Variants in PLCE1 observed in about 807,000 individuals in gnomAD.
PLCE1 encodes 1-phosphatidylinositol 4,5-bisphosphate phosphodiesterase epsilon-1.
Under a neutral mutation model 242.8 loss-of-function variants are expected in PLCE1, and 119 were observed. The ratio of observed to expected loss-of-function variants is 0.49; its 90% confidence interval spans 0.42 to 0.57. PLCE1 has a LOEUF of 0.57. PLCE1 is among the 20% of genes least tolerant of loss of function. The pLI, the probability that PLCE1 is intolerant of heterozygous loss-of-function variation, is 0.00. For synonymous variants in PLCE1, 945 were observed against 1,017.4 expected (o/e 0.93, Z 1.35); for missense variants, 2,441 against 2,788.8 (o/e 0.88, Z 2.81).
At chr10:94,244,241 C>T (rs1039882209) in intron 7 of PLCE1, among the ~76,000 whole-genome samples, 8 of 152,160 alleles carry the variant, frequency 5.3e-5, no homozygotes, top group East Asian at 1.9e-4. Context: ...ATGATACTGT[C>T]GTTGCCTCAT....
At chr10:94,280,711 A>G (rs1411941124) in intron 20 of PLCE1, 1 of 152,190 alleles carries the variant, frequency 6.6e-6, no homozygotes, top group Non-Finnish European at 1.5e-5. Flanking sequence ...TATTCTTTCT[A>G]TGTAGAATAA....
At chr10:94,165,397 G>A (rs1590165240) in intron 3 of PLCE1, among the ~76,000 whole-genome samples, 1 of 152,218 alleles carries the variant, frequency 6.6e-6, no homozygotes, top group South Asian at 2.1e-4. Context: ...CTAGCAATGA[G>A]CGAGGCTCTG....
At chr10:94,117,614 A>G (rs1259870208) in intron 2 of PLCE1, among the ~76,000 whole-genome samples, 1 of 152,230 alleles carries the variant, frequency 6.6e-6, no homozygotes, top group Non-Finnish European at 1.5e-5. Flanking sequence ...ACAATATACC[A>G]TGAATCACTA....
intron 4 of PLCE1, among the ~76,000 whole-genome samples, chr10:94,216,898 A>G (rs1425076081): frequency 2.0e-5 from 3 of 151,920 alleles, no homozygotes; most frequent in Non-Finnish European, 2.9e-5. Context: ...CCAGTAGATC[A>G]GGGTGGCTGT....
chr10:94,230,326 A>G (rs1204865387), intron 5 of PLCE1, among the ~76,000 whole-genome samples: 2 of 152,190 alleles, frequency 1.3e-5, no homozygotes, highest in Non-Finnish European at 2.9e-5. Flanking sequence ...TGTTTATAAA[A>G]AACAAAATTT....
intron 29 of PLCE1, among the ~76,000 whole-genome samples, chr10:94,319,750 T>C (rs2053711171): frequency 6.6e-6 from 1 of 151,924 alleles, no homozygotes; most frequent in Non-Finnish European, 1.5e-5. Flanking sequence ...CAACAATGCT[T>C]AGTAAAAAGG....
At chr10:94,249,185 C>A (rs1446931091) in intron 8 of PLCE1, among the ~76,000 whole-genome samples, 1 of 152,156 alleles carries the variant, frequency 6.6e-6, no homozygotes, top group Non-Finnish European at 1.5e-5. Flanking sequence ...TGAAGTCAGG[C>A]AACGTGCCTT....
intron 19 of PLCE1, among the ~76,000 whole-genome samples, chr10:94,276,967 A>G (rs1430564988): frequency 6.6e-6 from 1 of 152,162 alleles, no homozygotes; most frequent in African/African-American, 2.4e-5. Context: ...CTGGTAGATC[A>G]TGGGTCTAGA....
rs1161206656 is a variant in PLCE1 at position 94,098,335 on chromosome 10, A to G, written c.1207-33839A>G. On this transcript the variant is annotated intron_variant, in intron 2 of 32. Transcript: ENST00000371380. ...TTCAACATTTATAAACATTGCCAAT[A>G]TTGTTTTATCAATCTCCCCTCAGGA... 3.3e-5 allele frequency among the ~76,000 whole-genome samples: 5 copies of G among 152,166 alleles called. No individual in the cohort carries two copies. The East Asian group carries it at 9.6e-4, about 29-fold the overall frequency.
At chr10:94,114,459 G>A (rs866714087) in intron 2 of PLCE1, among the ~76,000 whole-genome samples, 6 of 152,176 alleles carry the variant, frequency 3.9e-5, no homozygotes, top group Non-Finnish European at 5.9e-5. Context: ...TCATCCACAC[G>A]AATACATTCC....
chr10:94,252,376 C>T lies in PLCE1; in HGVS notation c.3157C>T (p.Arg1053Trp), dbSNP rs779549576. The T allele has an allele frequency of 8.7e-6, 14 of 1,613,888 alleles. No individual in the cohort carries two copies. The highest frequency in any genetic ancestry group is 2.2e-5 in the East Asian group (1 of 44,886). The change falls in exon 9 of 33, where the codon CGG (arginine) becomes TGG (tryptophan). Residue 1053 changes from arginine (R) to tryptophan (W), a missense_variant. Arg to Trp is a moderately radical substitution (Grantham distance 101). Around this residue, in one of 5 missense-constraint regions of PLCE1, gnomAD observed 1,004 missense variants for 1,322.7 expected, o/e 0.76. Transcript: ENST00000371380. ...AHAVELFGGR[R>W]WSARNPSPGT... The stretch of plus-strand genomic sequence containing the variant: ...CGCTGTGGAGTTGTTTGGTGGCAGA[C>T]GGTGGAGTGCTCGAAACCCCAGCCC...
intron 2 of PLCE1, among the ~76,000 whole-genome samples, chr10:94,116,617 C>A (rs2046138532): frequency 6.6e-6 from 1 of 152,162 alleles, no homozygotes; most frequent in Non-Finnish European, 1.5e-5. Context: ...ATTGCTTGAA[C>A]CTGGGAGGCA....
At chr10:94,252,691 G>A (rs1245159616) in intron 9 of PLCE1, among the ~76,000 whole-genome samples, 193 bp downstream of exon 9, 2 of 152,086 alleles carry the variant, frequency 1.3e-5, no homozygotes, top group Admixed American at 6.6e-5. Flanking sequence ...GACAAGGTCC[G>A]CAGAAGGACA....
intron 2 of PLCE1, among the ~76,000 whole-genome samples, chr10:94,129,430 G>A (rs2135875801): frequency 6.6e-6 from 1 of 152,282 alleles, no homozygotes; most frequent in Middle Eastern, 3.4e-3. Flanking sequence ...ATCTCCAAAA[G>A]GAGAAGAGAT....
chr10:94,215,737 G>T (rs892974500), intron 4 of PLCE1, among the ~76,000 whole-genome samples: 5 of 152,086 alleles, frequency 3.3e-5, no homozygotes, highest in Non-Finnish European at 7.4e-5. Flanking sequence ...ATATGGAGAG[G>T]ATGTAGCATA....
intron 4 of PLCE1, among the ~76,000 whole-genome samples, chr10:94,221,470 C>T (rs1389089548): frequency 2.0e-5 from 3 of 152,260 alleles, no homozygotes; most frequent in Non-Finnish European, 4.4e-5. Flanking sequence ...GGTTCAGTGG[C>T]TCACGCCTGG....
intron 2 of PLCE1, among the ~76,000 whole-genome samples, chr10:94,076,462 G>A (rs948736662): frequency 1.3e-5 from 2 of 152,056 alleles, no homozygotes; most frequent in African/African-American, 4.8e-5. Context: ...AGGGTTGGAG[G>A]GGTCAGTGTG....
intron 8 of PLCE1, among the ~76,000 whole-genome samples, chr10:94,250,620 G>A (rs979629626): frequency 6.6e-6 from 1 of 152,108 alleles, no homozygotes; most frequent in African/African-American, 2.4e-5. Context: ...TTCCTTTAAA[G>A]ACTAAACAAA....
At position 94,316,620 on chromosome 10, in the gene PLCE1, C is replaced by G. The variant is rs751934950; in HGVS notation, c.6206C>G (p.Ser2069Cys). The change falls in exon 29 of 33, where the codon TCT (serine) becomes TGT (cysteine). Residue 2069 changes from serine to cysteine, a missense_variant. Physicochemically the swap from Ser to Cys is moderately radical, Grantham distance 112. Transcript: ENST00000371380. Reference protein sequence around the residue: ...YFLMEEKYFISKEKNECRKQP... With the variant: ...YFLMEEKYFICKEKNECRKQP... ...TTGATGGAAGAAAAATATTTTATAT[C>G]TAAAGAAAAGAATGAATGTAGGAAA... is the stretch of plus-strand genomic sequence containing the variant. 69 of 1,607,584 alleles carry G rather than the reference C, an allele frequency of 4.3e-5. No individual in the cohort carries two copies. Among genetic ancestry groups the G allele is most frequent in the Non-Finnish European group, 5.9e-5 (69 of 1,174,398 alleles).
Sources: gnomAD v4.1 joint callset for allele counts (sites outside exome capture counted in the v4.1 genomes callset) on GRCh38, gnomAD v4.1.1 for gene constraint, gnomAD v4.1.1 regional missense constraint, MANE v1.5 for transcripts, NCBI Gene and HGNC (gene_info 2026-07-23, HGNC 2026-07-21) for gene names.